The following MORC4 variants were observed in gnomAD, a reference collection of about 807,000 sequenced individuals.
MORC4 encodes MORC family CW-type zinc finger protein 4.
A neutral mutation model predicts 65.5 loss-of-function variants in MORC4; 22 were observed. The observed-to-expected ratio is 0.34, with a 90% CI of 0.24 to 0.48. MORC4 has a LOEUF of 0.48. Among genes scored for constraint, MORC4 ranks in the 20% least tolerant of loss-of-function variants. MORC4 has a pLI of 0.99. For synonymous variants in MORC4, 267 were observed against 255.8 expected, an observed-to-expected ratio of 1.04 and a Z score of -0.42; for missense variants, 624 against 703.0, an observed-to-expected ratio of 0.89 and a Z score of 1.27.
At chrX:106,956,405 C>T in intron 13 of MORC4, 75 bp downstream of exon 13, 1 of 866,987 alleles carries the variant, frequency 1.2e-6, no homozygotes, top group East Asian at 3.1e-5. Flanking sequence ...TTCAAGATTG[C>T]TGCTTCCTTC....
At chrX:106,944,967 T>C (rs1569294584) in intron 14 of MORC4, among the ~76,000 whole-genome samples, 1 of 111,662 alleles carries the variant, frequency 9.0e-6, no homozygotes, top group Non-Finnish European at 1.9e-5. Context: ...TACTCCTCTA[T>C]TCAAAATCTT....
chrX:106,955,223 G>A (rs1602480786), intron 13 of MORC4, 135 bp from the exon 14 acceptor site: 1 of 474,507 alleles, frequency 2.1e-6, no homozygotes, highest in Non-Finnish European at 3.5e-6. Flanking sequence ...AACAAACAGT[G>A]TGCAGTAATG....
chrX:106,953,694 T>C (rs1158473183), intron 14 of MORC4, among the ~76,000 whole-genome samples: 1 of 111,387 alleles, frequency 9.0e-6, no homozygotes, highest in Non-Finnish European at 1.9e-5. Flanking sequence ...CGCTGTGTTG[T>C]CCAGGCTGGT....
chrX:106,966,321 A>G (rs1934371859), intron 9 of MORC4, among the ~76,000 whole-genome samples: 1 of 112,517 alleles, frequency 8.9e-6, no homozygotes, highest in South Asian at 3.7e-4. Flanking sequence ...AGCGTTTCCA[A>G]GATGGCTGAA....
rs1465487450 is a variant in MORC4 at position 106,981,048 on chromosome X, T to C, written c.808-29A>G. On this transcript the variant is annotated intron_variant, in intron 6 of 16. Coordinates refer to ENST00000355610, the MANE Select transcript of MORC4 (RefSeq NM_024657.5). The stretch of plus-strand genomic sequence containing the variant: ...CGGAACAGAATGGTGAAGGGAAAGT[T>C]ATTATGTGATATTGCCAATTCTGCT... 3.3e-6 allele frequency: 4 copies of C among 1,196,425 alleles called. No individual in the cohort carries two copies. The African/African-American group carries it at 7.0e-5, about 21-fold the overall frequency.
At chrX:106,942,259 A>G in intron 15 of MORC4, 38 bp from the exon 16 acceptor site, 1 of 1,173,836 alleles carries the variant, frequency 8.5e-7, no homozygotes, top group East Asian at 3.0e-5. Context: ...GACCCCACAA[A>G]AGAGCACGCC....
At chrX:106,967,681 A>C (rs373608515) in intron 9 of MORC4, among the ~76,000 whole-genome samples, 1 of 112,367 alleles carries the variant, frequency 8.9e-6, no homozygotes, top group East Asian at 2.8e-4. Context: ...CACAAGCTTC[A>C]ATAGCAGATT....
At position 106,999,726 on chromosome X, in the gene MORC4, G is replaced by A. The variant is rs752736118; in HGVS notation, c.126C>T (p.Ser42=). The change falls in exon 2 of 17, where the codon AGC becomes AGT. Residue 42 remains serine, a synonymous_variant. Coordinates refer to ENST00000355610, the MANE Select transcript of MORC4 (RefSeq NM_024657.5). The part of the protein sequence containing the change: ...LSTMSPRYLQ[S]NSSSHTRPFS... ...AGGGTCGCGTGTGGCTGCTGGAGTT[G>A]CTCTGGAGGTAGCGGGGGCTCATCT... 3 of 1,123,115 alleles carry A rather than the reference G, an allele frequency of 2.7e-6. No individual in the cohort carries two copies. Among genetic ancestry groups the A allele is most frequent in the South Asian group, 4.2e-5 (2 of 47,465 alleles). The allele number at this position is 1,123,115 out of a possible 1,213,427, so 92.6% of individuals were successfully genotyped here.
chrX:106,998,348 G>A (rs193274896), intron 2 of MORC4, among the ~76,000 whole-genome samples: 1 of 112,050 alleles, frequency 8.9e-6, no homozygotes, highest in African/African-American at 3.2e-5. Flanking sequence ...GGTTCTTTAA[G>A]GTAATGCTTA....
intron 5 of MORC4, among the ~76,000 whole-genome samples, chrX:106,984,369 G>A (rs1429547808): frequency 9.1e-6 from 1 of 109,999 alleles, no homozygotes; most frequent in Non-Finnish European, 1.9e-5. Context: ...TTAATTATCT[G>A]TGGCAATAGC....
At chrX:106,949,201 TC>T (rs1183943710) in intron 14 of MORC4, among the ~76,000 whole-genome samples, 1 of 111,904 alleles carries the variant, frequency 8.9e-6, no homozygotes. Context: ...AAAATTTTTT[TC>T]ATATCAGTTA....
chrX:106,976,526 A>G (rs1934628119), intron 9 of MORC4, 58 bp downstream of exon 9: 2 of 752,544 alleles, frequency 2.7e-6, no homozygotes, highest in Admixed American at 4.8e-5. Context: ...GAGGCTTTAG[A>G]GAACAGAATC....
chrX:106,957,053 ACTTTTAC>A (rs1243278287), intron 11 of MORC4, 49 bp from the exon 12 acceptor site: 1 of 836,080 alleles, frequency 1.2e-6, no homozygotes, highest in Admixed American at 2.3e-5. Flanking sequence ...TGGGTCCTTC[ACTTTTAC>A]CTTTTAATTT....
At position 106,999,671 on chromosome X, in the gene MORC4, A is replaced by T; in HGVS notation, c.175+6T>A. 8.9e-7 allele frequency: 1 copy of T among 1,121,891 alleles called. No individual in the cohort carries two copies. The highest frequency in any genetic ancestry group is 1.2e-6 in the Non-Finnish European group (1 of 851,901). 92.5% of individuals were successfully genotyped at this position (1,121,891 alleles called of 1,213,427 possible). On this transcript the variant is annotated splice_donor_region_variant and intron_variant, in intron 2 of 16. Transcript: ENST00000355610. ...GAACACGGCCGGGCCCGCCCTCGCC[A>T]CTCACCTAGCAGCTCCGCGATGGCA...
chrX:106,996,763 AAGG>A (rs1290323897), intron 2 of MORC4, among the ~76,000 whole-genome samples: 4 of 111,880 alleles, frequency 3.6e-5, no homozygotes, highest in Non-Finnish European at 1.9e-5. Context: ...ACCAGATCAC[AAGG>A]AGTTTTCTCT....
intron 9 of MORC4, among the ~76,000 whole-genome samples, chrX:106,974,729 T>C (rs1319754672): frequency 8.9e-6 from 1 of 112,014 alleles, no homozygotes; most frequent in East Asian, 2.8e-4. Flanking sequence ...GGTATCTCTT[T>C]TATCATTTGC....
At chrX:106,959,533 T>C (rs1934186049) in intron 10 of MORC4, among the ~76,000 whole-genome samples, 1 of 111,899 alleles carries the variant, frequency 8.9e-6, no homozygotes. Context: ...TATTTTCTTC[T>C]TGTTGTTGTT....
chrX:106,963,495 A>G (rs1268441159), intron 9 of MORC4, among the ~76,000 whole-genome samples: 2 of 111,914 alleles, frequency 1.8e-5, no homozygotes, highest in Non-Finnish European at 3.8e-5. Context: ...GTGGGCAAAA[A>G]GGACACTGTC....
Position 106,986,138 on chromosome X carries a change from C to G in MORC4, c.371G>C (p.Gly124Ala). Reference protein sequence around the residue: ...SQCPIGVFGNGFKSGSMRLGK... With the variant: ...SQCPIGVFGNAFKSGSMRLGK... ...TAGCCGCATGGAGCCTGACTTGAAA[C>G]CATTACCAAAGACCCCAATGGGACA... is the stretch of plus-strand genomic sequence containing the variant. The change falls in exon 4 of 17, where the codon GGT becomes GCT. Residue 124 changes from glycine (G) to alanine (A), a missense_variant. Coordinates refer to ENST00000355610, the MANE Select transcript of MORC4 (RefSeq NM_024657.5). The G allele has an allele frequency of 2.5e-6, 3 of 1,211,324 alleles. No individual in the cohort carries two copies. The highest frequency in any genetic ancestry group is 3.4e-6 in the Non-Finnish European group (3 of 895,295).
Sources: gnomAD v4.1 joint callset for allele counts (sites outside exome capture counted in the v4.1 genomes callset) on GRCh38, gnomAD v4.1.1 for gene constraint, MANE v1.5 for transcripts, NCBI Gene and HGNC (gene_info 2026-07-23, HGNC 2026-07-21) for gene names.